The following FHIT variants were observed in gnomAD, a reference collection of about 807,000 sequenced individuals.
The protein encoded by FHIT is bis(5'-adenosyl)-triphosphatase.
FHIT carries 19 observed loss-of-function variants against 17.9 expected under a neutral mutation model. The observed-to-expected ratio is 1.06, with a 90% CI of 0.74 to 1.56. FHIT has a LOEUF of 1.56. FHIT is among the 40% of genes most tolerant of loss of function. The pLI, the probability that FHIT is intolerant of heterozygous loss-of-function variation, is 0.00. For synonymous variants in FHIT, 81 were observed against 69.7 expected (o/e 1.16, Z -0.81); for missense variants, 248 against 189.2 (o/e 1.31, Z -1.82).
intron 8 of FHIT, among the ~76,000 whole-genome samples, chr3:59,769,586 G>C (rs1344282218): frequency 6.6e-6 from 1 of 152,160 alleles, no homozygotes; most frequent in East Asian, 1.9e-4. Flanking sequence ...CAAGCTGCCA[G>C]GCCAGATTTT....
At chr3:60,434,017 C>T (rs534038122) in intron 5 of FHIT, among the ~76,000 whole-genome samples, 6 of 152,068 alleles carry the variant, frequency 3.9e-5, no homozygotes, top group Admixed American at 2.0e-4. Flanking sequence ...TCCCCATTTC[C>T]TTCTACAGAC....
chr3:61,161,739 A>T (rs2037701373), intron 2 of FHIT, among the ~76,000 whole-genome samples: 1 of 152,264 alleles, frequency 6.6e-6, no homozygotes, highest in Admixed American at 6.5e-5. Context: ...AAATCAAAAA[A>T]TAAAAATAAA....
In FHIT at chr3:60,769,822, A is replaced by C. The variant is rs942123798; in HGVS notation, c.-18+52097T>G. On this transcript the variant is annotated intron_variant, in intron 4 of 9. Transcript: ENST00000492590. ...GGTTTTCAATTTTGTCTGTTAAGCT[A>C]GGTTACAGTTCATCCACAAAGACTC... 3.3e-5 allele frequency among the ~76,000 whole-genome samples: 5 copies of C among 152,316 alleles called. No homozygotes were observed. In the South Asian group the frequency reaches 1.0e-3, roughly 32 times the overall value.
At chr3:60,311,816 G>C (rs1043696513) in intron 5 of FHIT, among the ~76,000 whole-genome samples, 1 of 152,182 alleles carries the variant, frequency 6.6e-6, no homozygotes, top group South Asian at 2.1e-4. Context: ...ACATGGTCGG[G>C]GTGGACTTTC....
At chr3:60,276,703 T>C (rs1325265869) in intron 5 of FHIT, among the ~76,000 whole-genome samples, 2 of 152,130 alleles carry the variant, frequency 1.3e-5, no homozygotes, top group African/African-American at 2.4e-5. Flanking sequence ...GTAGGCTGTA[T>C]AGGAAGCATA....
At chr3:60,337,704 G>C (rs553250826) in intron 5 of FHIT, among the ~76,000 whole-genome samples, 43 of 152,222 alleles carry the variant, frequency 2.8e-4, no homozygotes, top group Admixed American at 1.2e-3. Context: ...TATGATCCTG[G>C]GAGAGAGTAC....
intron 5 of FHIT, among the ~76,000 whole-genome samples, chr3:60,245,783 T>A (rs1292502153): frequency 6.6e-6 from 1 of 152,012 alleles, no homozygotes; most frequent in Non-Finnish European, 1.5e-5. Context: ...TTTAAAAATA[T>A]AAATCAATAT....
intron 7 of FHIT, among the ~76,000 whole-genome samples, chr3:59,951,103 T>C (rs1449225940): frequency 6.6e-6 from 1 of 152,200 alleles, no homozygotes; most frequent in African/African-American, 2.4e-5. Context: ...TAATTACCTA[T>C]GTGTTATGCA....
chr3:60,185,582 C>T (rs1559708993), intron 5 of FHIT, among the ~76,000 whole-genome samples: 1 of 152,114 alleles, frequency 6.6e-6, no homozygotes, highest in Non-Finnish European at 1.5e-5. Context: ...GACAAACATT[C>T]CAGTGCAGGG....
intron 5 of FHIT, among the ~76,000 whole-genome samples, chr3:60,408,223 G>A (rs1018160233): frequency 2.6e-5 from 4 of 152,250 alleles, no homozygotes; most frequent in South Asian, 4.2e-4. Context: ...CACCCTGCAC[G>A]TGCTGCCCAG....
chr3:60,727,767 G>A (rs1553709963), intron 4 of FHIT, among the ~76,000 whole-genome samples: 1 of 152,196 alleles, frequency 6.6e-6, no homozygotes, highest in Admixed American at 6.5e-5. Flanking sequence ...ACTTTCGGAG[G>A]CCGAGGCGGG....
intron 3 of FHIT, among the ~76,000 whole-genome samples, chr3:60,889,234 C>T (rs1010251038): frequency 3.3e-5 from 5 of 152,216 alleles, no homozygotes; most frequent in East Asian, 1.9e-4. Flanking sequence ...GTTTCGCCTG[C>T]GTGGTCTAAT....
chr3:60,977,756 A>G (rs370664488), intron 3 of FHIT, among the ~76,000 whole-genome samples: 3 of 152,290 alleles, frequency 2.0e-5, no homozygotes, highest in African/African-American at 7.2e-5. Context: ...CTGTAATCCC[A>G]GCTACTCAGG....
chr3:60,280,090 T>C (rs1369258124), intron 5 of FHIT, among the ~76,000 whole-genome samples: 1 of 146,938 alleles, frequency 6.8e-6, no homozygotes. Flanking sequence ...TCAACAAACG[T>C]AACTTAGCGT....
intron 8 of FHIT, among the ~76,000 whole-genome samples, chr3:59,883,697 C>T (rs1235587279): frequency 6.6e-6 from 1 of 152,240 alleles, no homozygotes; most frequent in Admixed American, 6.5e-5. Context: ...CCGCACGTCT[C>T]TTTCCAAGTC....
intron 5 of FHIT, among the ~76,000 whole-genome samples, chr3:60,254,729 C>A (rs74744673): frequency 3.3e-5 from 5 of 152,142 alleles, no homozygotes; most frequent in Non-Finnish European, 7.4e-5. Context: ...ACAATCCACT[C>A]CCCTACCCAA....
intron 5 of FHIT, among the ~76,000 whole-genome samples, chr3:60,195,587 TTA>T (rs1238113963): frequency 5.0e-5 from 3 of 59,454 alleles, no homozygotes; most frequent in South Asian, 1.3e-3. Context: ...ATATTTATAT[TTA>T]TATATAATTA....
At chr3:61,160,120 T>C (rs1290565286) in intron 2 of FHIT, among the ~76,000 whole-genome samples, 2 of 152,234 alleles carry the variant, frequency 1.3e-5, no homozygotes, top group Non-Finnish European at 2.9e-5. Flanking sequence ...AGACTTCAAA[T>C]GTGCTAATAA....
chr3:60,839,368 C>T (rs1553744474), intron 3 of FHIT, among the ~76,000 whole-genome samples: 1 of 152,116 alleles, frequency 6.6e-6, no homozygotes, highest in Non-Finnish European at 1.5e-5. Flanking sequence ...TTTACACACA[C>T]TCCATCCTGC....
Sources: gnomAD v4.1 joint callset for allele counts (sites outside exome capture counted in the v4.1 genomes callset) on GRCh38, gnomAD v4.1.1 for gene constraint, MANE v1.5 for transcripts, NCBI Gene and HGNC (gene_info 2026-07-23, HGNC 2026-07-21) for gene names.